The following ITPKB variants were observed in gnomAD, a reference collection of about 807,000 sequenced individuals.
ITPKB encodes the protein inositol-trisphosphate 3-kinase B.
In ITPKB, 13 loss-of-function variants were observed where a neutral mutation model predicts 69.4. The observed-to-expected ratio is 0.19, with a 90% CI of 0.12 to 0.30. The LOEUF is 0.30. Ranked by LOEUF, ITPKB falls within the 10% of genes least tolerant of loss-of-function variation. The pLI is 1.00. For missense variants in ITPKB, 1,240 were observed against 1,250.5 expected (o/e 0.99, Z 0.13); for synonymous variants, 584 against 513.7 (o/e 1.14, Z -1.85).
chr1:226,655,002 G>A (rs188000872), intron 2 of ITPKB, among the ~76,000 whole-genome samples: 29 of 151,264 alleles, frequency 1.9e-4, no homozygotes, highest in African/African-American at 2.7e-4. Context: ...AGCAGGAGGA[G>A]GGTACGAAGA....
rs919769256 is a variant in ITPKB at position 226,738,887 on chromosome 1, T to A, written c.-206+154A>T. ...ATTTTCTCCCCACCGCCACTCCATG[T>A]CACCCTCCAAAATCAAACCCCCTTC... On this transcript the variant is annotated intron_variant, in intron 1 of 7. Coordinates refer to ENST00000429204, the MANE Select transcript of ITPKB (RefSeq NM_002221.4). This position sits in a 1 kb window ranked among gnomAD's most constrained non-coding sequence, Gnocchi z 4.2. Among the ~76,000 whole-genome samples the A allele has an allele frequency of 6.6e-6, 1 of 152,106 alleles. No homozygotes were observed. The highest frequency in any genetic ancestry group is 2.4e-5 in the African/African-American group (1 of 41,420).
At chr1:226,650,758 C>T (rs899435712) in intron 2 of ITPKB, among the ~76,000 whole-genome samples, 5 of 152,188 alleles carry the variant, frequency 3.3e-5, no homozygotes, top group African/African-American at 7.2e-5. Flanking sequence ...ATCCAGGGCT[C>T]GCCCTAACCC....
intron 2 of ITPKB, among the ~76,000 whole-genome samples, chr1:226,693,654 T>C (rs537401873): frequency 9.4e-4 from 143 of 152,342 alleles, no homozygotes; most frequent in Non-Finnish European, 1.6e-3. Flanking sequence ...ATCTATTGGT[T>C]GTAACCATCT....
intron 2 of ITPKB, among the ~76,000 whole-genome samples, chr1:226,672,432 C>T (rs1669634816): frequency 6.6e-6 from 1 of 152,226 alleles, no homozygotes; most frequent in South Asian, 2.1e-4. Context: ...TGTCAAACAA[C>T]TTTGTATCAG....
rs1668788476 is a variant in ITPKB at position 226,634,563 on chromosome 1, G to A, written c.*108C>T. On this transcript the variant is annotated 3_prime_UTR_variant, in exon 8 of 8. Coordinates refer to ENST00000429204, the MANE Select transcript of ITPKB (RefSeq NM_002221.4). This position sits in a 1 kb window ranked among gnomAD's most constrained non-coding sequence, Gnocchi z 6.3. ...CTTCTACAAAGTGTCTTGTAGTGCA[G>A]TTCAGGAGGGTCAGTCAGGTGTAAG... 1 of 647,834 alleles carries A rather than the reference G, an allele frequency of 1.5e-6. No individual in the cohort carries two copies. The highest frequency in any genetic ancestry group is 2.7e-5 in the East Asian group (1 of 36,802). 40.1% of individuals were successfully genotyped at this position (647,834 alleles called of 1,614,324 possible).
chr1:226,698,551 T>C (rs1478939859), intron 2 of ITPKB, among the ~76,000 whole-genome samples: 1 of 152,214 alleles, frequency 6.6e-6, no homozygotes, highest in Non-Finnish European at 1.5e-5. Flanking sequence ...AATTGTTCAT[T>C]TATATATGAA....
At chr1:226,718,292 A>C (rs1248340254) in intron 2 of ITPKB, among the ~76,000 whole-genome samples, 1 of 96,326 alleles carries the variant, frequency 1.0e-5, no homozygotes, top group Non-Finnish European at 2.0e-5. Context: ...AGACTTCTCA[A>C]AAAAAAAAAA....
At chr1:226,639,892 C>G (rs778244219) in intron 5 of ITPKB, among the ~76,000 whole-genome samples, 2 of 152,180 alleles carry the variant, frequency 1.3e-5, no homozygotes, top group African/African-American at 2.4e-5. Context: ...CATCCCCAGG[C>G]GAGTGAACAG....
At chr1:226,733,516 C>T (rs1217331702) in intron 2 of ITPKB, among the ~76,000 whole-genome samples, 1 of 152,102 alleles carries the variant, frequency 6.6e-6, no homozygotes, top group African/African-American at 2.4e-5. Flanking sequence ...TCAACCAAAG[C>T]TCAAAAGTCC....
intron 2 of ITPKB, among the ~76,000 whole-genome samples, chr1:226,703,579 G>A (rs759469265): frequency 6.6e-6 from 1 of 152,192 alleles, no homozygotes; most frequent in Non-Finnish European, 1.5e-5. Context: ...AGGGGGCGCC[G>A]TCTCCCGGCA....
chr1:226,699,702 C>T (rs1466682245), intron 2 of ITPKB, among the ~76,000 whole-genome samples: 1 of 151,920 alleles, frequency 6.6e-6, no homozygotes, highest in Non-Finnish European at 1.5e-5. Context: ...TCATAGCACC[C>T]AGTACAGCAG....
intron 7 of ITPKB, among the ~76,000 whole-genome samples, chr1:226,636,755 T>TGTGC (rs1668846864): frequency 1.4e-5 from 1 of 70,272 alleles, no homozygotes. Context: ...TGCAGCTCTG[T>TGTGC]GTGTGTGTGT....
chr1:226,711,611 A>T (rs960473425), intron 2 of ITPKB, among the ~76,000 whole-genome samples: 56 of 152,162 alleles, frequency 3.7e-4, no homozygotes, highest in African/African-American at 1.3e-3. Context: ...AAAACTACCC[A>T]GGGAAATTGC....
intron 2 of ITPKB, among the ~76,000 whole-genome samples, chr1:226,696,428 C>G (rs1057364131): frequency 2.5e-4 from 38 of 152,198 alleles, no homozygotes; most frequent in African/African-American, 9.2e-4. Flanking sequence ...ATCCCTGGCA[C>G]GTAGATAGCA....
intron 2 of ITPKB, among the ~76,000 whole-genome samples, chr1:226,685,208 T>C (rs2102776721): frequency 6.6e-6 from 1 of 152,282 alleles, no homozygotes; most frequent in East Asian, 1.9e-4. Flanking sequence ...CTTTCAAAAC[T>C]CAACCTGTCC....
chr1:226,710,183 G>A (rs921602266), intron 2 of ITPKB, among the ~76,000 whole-genome samples: 9 of 152,166 alleles, frequency 5.9e-5, no homozygotes, highest in Non-Finnish European at 1.2e-4. Flanking sequence ...GTGATTGGCT[G>A]GTGATAATGT....
At chr1:226,644,532 G>A (rs929998829) in intron 4 of ITPKB, among the ~76,000 whole-genome samples, 2 of 152,208 alleles carry the variant, frequency 1.3e-5, no homozygotes, top group African/African-American at 4.8e-5. Context: ...GGAAGACAGT[G>A]TTGACTCTCC....
At chr1:226,715,445 T>C (rs1571871552) in intron 2 of ITPKB, among the ~76,000 whole-genome samples, 1 of 152,258 alleles carries the variant, frequency 6.6e-6, no homozygotes, top group Admixed American at 6.5e-5. Flanking sequence ...ATAGTAACTC[T>C]GACCCAGAAG....
Position 226,633,054 on chromosome 1 carries a change from A to G in ITPKB, c.*1617T>C, listed in dbSNP as rs1201980568. On this transcript the variant is annotated 3_prime_UTR_variant, in exon 8 of 8. Coordinates refer to ENST00000429204, the MANE Select transcript of ITPKB (RefSeq NM_002221.4). ...TGACCTTTAGCAAGTCGGCCCACAC[A>G]GGAGCTCACCACTGTTTTAAACAAG... 6.6e-6 allele frequency: 1 copy of G among 152,222 alleles called. No individual in the cohort carries two copies. The highest frequency in any genetic ancestry group is 1.5e-5 in the Non-Finnish European group (1 of 68,038). The allele number at this position is 152,222 out of a possible 1,614,324, so 9.4% of individuals were successfully genotyped here. A position where few individuals can be genotyped will look rare whatever the true frequency, so the allele number is the denominator to read the frequency against.
Sources: gnomAD v4.1 joint callset for allele counts (sites outside exome capture counted in the v4.1 genomes callset) on GRCh38, gnomAD v4.1.1 for gene constraint, Gnocchi (gnomAD v3.1) non-coding constraint, MANE v1.5 for transcripts, NCBI Gene and HGNC (gene_info 2026-07-23, HGNC 2026-07-21) for gene names.